The following SPATS2 variants were observed in gnomAD, a reference collection of about 807,000 sequenced individuals.
SPATS2 encodes the protein spermatogenesis associated serine rich 2.
A neutral mutation model predicts 63.7 loss-of-function variants in SPATS2; 38 were observed. The ratio of observed to expected loss-of-function variants is 0.60; its 90% CI spans 0.46 to 0.78. The LOEUF (loss-of-function observed/expected upper bound fraction) is 0.78. SPATS2 is among the 30% of genes least tolerant of loss of function. The pLI, the probability that SPATS2 is intolerant of heterozygous loss-of-function variation, is 0.00. For synonymous variants in SPATS2, 207 were observed against 232.9 expected, an observed-to-expected ratio of 0.89 and a Z score of 1.01; for missense variants, 588 against 666.2, an observed-to-expected ratio of 0.88 and a Z score of 1.29.
chr12:49,413,787 G>A (rs1202301745), intron 2 of SPATS2, among the ~76,000 whole-genome samples: 2 of 152,048 alleles, frequency 1.3e-5, no homozygotes, highest in African/African-American at 4.8e-5. Context: ...GAACTAAACA[G>A]ACAGGGCATC....
Position 49,522,745 on chromosome 12 carries a change from C to G in SPATS2, c.1009-6C>G, listed in dbSNP as rs1392384307. The G allele has an allele frequency of 2.5e-6, 4 of 1,612,852 alleles. No individual in the cohort carries two copies. In the East Asian group the frequency reaches 6.7e-5, roughly 27 times the overall value. ...ACCTGGAGGCCTTTCTTTGTCCTTT[C>G]TCCAGCACTTTGTTAGTGAACGTAA... On this transcript the variant is annotated splice_region_variant and splice_polypyrimidine_tract_variant and intron_variant, in intron 11 of 13. Transcript: ENST00000552918.
Position 49,507,437 on chromosome 12 carries a change from C to T in SPATS2, c.840-7118C>T, listed in dbSNP as rs565693658. Among the ~76,000 whole-genome samples, 15 of 152,150 alleles carry T rather than the reference C, an allele frequency of 9.9e-5. No homozygotes were observed. The South Asian group carries it at 1.0e-3, about 11-fold the overall frequency. On this transcript the variant is annotated intron_variant, in intron 9 of 13. Transcript: ENST00000552918. ...TGCTATGGGGCAATAGTGAAAGTAG[C>T]GAGGGATGAAGTCAGAGGCTGAGGT...
At position 49,500,073 on chromosome 12, in the gene SPATS2, C is replaced by G. The variant is rs766117345; in HGVS notation, c.707C>G (p.Ser236Cys). 23 of 1,454,578 alleles carry G rather than the reference C, an allele frequency of 1.6e-5. No homozygotes were observed. The highest frequency in any genetic ancestry group is 2.1e-5 in the Non-Finnish European group (23 of 1,104,358). The allele number at this position is 1,454,578 out of a possible 1,614,324, so 90.1% of individuals were successfully genotyped here. A position where few individuals can be genotyped will look rare whatever the true frequency, so the allele number is the denominator to read the frequency against. ...VPLATSKKLSSNIEKSVKDLQ... is the reference protein window; with the variant it reads ...VPLATSKKLSCNIEKSVKDLQ... Reference sequence around the variant, plus strand: ...TATTTCGGTTTTTTTCCCCAAGGTTCCAATATTGAAAAATCTGTAAAAGAC... The same window carrying G: ...TATTTCGGTTTTTTTCCCCAAGGTTGCAATATTGAAAAATCTGTAAAAGAC... Residue 236 changes from serine (S) to cysteine (C), a missense_variant, in exon 9 of 14, where the codon TCC (serine) becomes TGC (cysteine). Coordinates refer to ENST00000552918, the MANE Select transcript of SPATS2 (RefSeq NM_023071.4).
chr12:49,483,074 C>G (rs377753485), intron 3 of SPATS2, among the ~76,000 whole-genome samples: 1 of 147,104 alleles, frequency 6.8e-6, no homozygotes, highest in Admixed American at 7.0e-5. Context: ...TAGGCGTGAA[C>G]CACCACACCC....
chr12:49,433,438 C>T (rs986242725), intron 2 of SPATS2, among the ~76,000 whole-genome samples: 1 of 152,260 alleles, frequency 6.6e-6, no homozygotes, highest in African/African-American at 2.4e-5. Flanking sequence ...GCTGGGATTA[C>T]AGGCGTAAGC....
At chr12:49,450,514 G>A (rs1945601510) in intron 2 of SPATS2, among the ~76,000 whole-genome samples, 1 of 151,754 alleles carries the variant, frequency 6.6e-6, no homozygotes, top group Non-Finnish European at 1.5e-5. Context: ...AAAGTGCTGG[G>A]ATTACAGGCG....
intron 2 of SPATS2, among the ~76,000 whole-genome samples, chr12:49,433,187 C>T (rs1455314713): frequency 2.0e-5 from 3 of 152,144 alleles, no homozygotes; most frequent in South Asian, 2.1e-4. Flanking sequence ...TTGTTTGAGA[C>T]GGAGTCTCTC....
At chr12:49,379,845 A>T (rs1449249845) in intron 2 of SPATS2, among the ~76,000 whole-genome samples, 3 of 151,642 alleles carry the variant, frequency 2.0e-5, no homozygotes, top group Admixed American at 1.3e-4. Flanking sequence ...CTGGTCTCAA[A>T]CTCCTGACCT....
chr12:49,430,486 C>G (rs1945167237), intron 2 of SPATS2, among the ~76,000 whole-genome samples: 1 of 152,028 alleles, frequency 6.6e-6, no homozygotes, highest in Non-Finnish European at 1.5e-5. Flanking sequence ...TGGTGACTTT[C>G]TTATAATTAA....
intron 2 of SPATS2, among the ~76,000 whole-genome samples, chr12:49,418,517 C>T (rs1192042721): frequency 6.6e-6 from 1 of 152,116 alleles, no homozygotes; most frequent in East Asian, 1.9e-4. Context: ...GCAGGCTGGT[C>T]TCAAACTCCT....
At chr12:49,481,112 A>G (rs534281947) in intron 3 of SPATS2, among the ~76,000 whole-genome samples, 19 of 152,368 alleles carry the variant, frequency 1.2e-4, no homozygotes, top group South Asian at 4.1e-4. Flanking sequence ...TGTAAATAAC[A>G]TACTTTTTCT....
At chr12:49,389,811 C>T (rs1944388668) in intron 2 of SPATS2, 2 of 988,182 alleles carry the variant, frequency 2.0e-6, no homozygotes, top group South Asian at 1.3e-5. Flanking sequence ...GGCCTTGGAA[C>T]TTACGATGAG....
chr12:49,475,322 T>A (rs10161131), intron 3 of SPATS2, among the ~76,000 whole-genome samples: 44,815 of 152,006 alleles, frequency 0.29, 8,911 homozygotes, highest in African/African-American at 0.57. Context: ...ACAAAGTATT[T>A]AAGATACTTT....
chr12:49,408,249 C>CTTT (rs1485234148), intron 2 of SPATS2, among the ~76,000 whole-genome samples: 2 of 147,086 alleles, frequency 1.4e-5, no homozygotes, highest in South Asian at 2.2e-4. Flanking sequence ...TGATAGTATT[C>CTTT]TTCTTTTTTT....
chr12:49,407,329 T>A (rs1380527958), intron 2 of SPATS2, among the ~76,000 whole-genome samples: 1 of 152,172 alleles, frequency 6.6e-6, no homozygotes, highest in Admixed American at 6.5e-5. Context: ...TTGTCACTCC[T>A]TTGCTCAAGA....
chr12:49,495,356 G>A (rs1592456517), intron 7 of SPATS2, among the ~76,000 whole-genome samples: 1 of 151,938 alleles, frequency 6.6e-6, no homozygotes, highest in African/African-American at 2.4e-5. Context: ...ACCACGCCTG[G>A]CTAATCTTTT....
intron 2 of SPATS2, among the ~76,000 whole-genome samples, chr12:49,428,787 GAATATAGT>G (rs551300062): frequency 1.7e-4 from 26 of 152,270 alleles, no homozygotes; most frequent in African/African-American, 6.3e-4. Context: ...TAGAATCAGT[GAATATAGT>G]TGCTCCTAAT....
chr12:49,380,354 C>T (rs1372778034), intron 2 of SPATS2, among the ~76,000 whole-genome samples: 1 of 152,010 alleles, frequency 6.6e-6, no homozygotes, highest in Non-Finnish European at 1.5e-5. Context: ...TGGCTAAATA[C>T]TAGTCCGTTG....
intron 2 of SPATS2, among the ~76,000 whole-genome samples, chr12:49,426,103 G>A (rs1207122202): frequency 2.0e-5 from 3 of 152,124 alleles, no homozygotes; most frequent in Non-Finnish European, 4.4e-5. Context: ...TTCATTTAGG[G>A]GTGTTAGTCA....
Sources: gnomAD v4.1 joint callset for allele counts (sites outside exome capture counted in the v4.1 genomes callset) on GRCh38, gnomAD v4.1.1 for gene constraint, MANE v1.5 for transcripts, NCBI Gene and HGNC (gene_info 2026-07-23, HGNC 2026-07-21) for gene names.